TRIP11: variants seen among roughly 807,000 people sequenced by gnomAD.
TRIP11 encodes thyroid hormone receptor interactor 11, also known as thyroid receptor-interacting protein 11.
A neutral mutation model predicts 223.1 loss-of-function variants in TRIP11; 148 were observed. The observed-to-expected ratio is 0.66, with a 90% CI of 0.58 to 0.76. The LOEUF is 0.76. TRIP11 is among the 30% of genes least tolerant of loss of function. The probability of loss-of-function intolerance (pLI) is 0.00; values close to 1 mark genes in which losing one functional copy is unlikely to be tolerated. For synonymous variants in TRIP11, 762 were observed against 772.6 expected, an observed-to-expected ratio of 0.99 and a Z score of 0.23; for missense variants, 2,043 against 2,222.0, an observed-to-expected ratio of 0.92 and a Z score of 1.62.
intron 17 of TRIP11, among the ~76,000 whole-genome samples, 164 bp from the exon 18 acceptor site, chr14:91,975,450 T>G (rs569700202): frequency 2.6e-5 from 4 of 152,272 alleles, no homozygotes; most frequent in African/African-American, 9.6e-5. Flanking sequence ...ACAAGTCTAA[T>G]ATTTCAAAAA....
At chr14:92,020,877 C>A (rs1473404321) in intron 4 of TRIP11, among the ~76,000 whole-genome samples, 1 of 150,780 alleles carries the variant, frequency 6.6e-6, no homozygotes, top group Non-Finnish European at 1.5e-5. Flanking sequence ...TGAGACCAGC[C>A]TGGCCAACAT....
chr14:91,972,978 A>G (rs894051139), intron 19 of TRIP11, 117 bp from the exon 20 acceptor site: 6 of 923,958 alleles, frequency 6.5e-6, no homozygotes, highest in Non-Finnish European at 9.4e-6. Context: ...CCACTTGAAT[A>G]ATTTTTTTTT....
In TRIP11 at chr14:92,021,554, A is replaced by G. The variant is rs2057114964; in HGVS notation, c.588+2T>C. ...CAAAAACTCTAAAAAATTTTTATCT[A>G]CCTGAGCAATATGCCTCCAATGGCC... is the stretch of plus-strand genomic sequence containing the variant. On this transcript the variant is annotated splice_donor_variant, in intron 4 of 20. Coordinates refer to ENST00000267622, the MANE Select transcript of TRIP11 (RefSeq NM_004239.4). LOFTEE classifies it high-confidence loss of function. 8.1e-6 allele frequency: 13 copies of G among 1,613,996 alleles called. No individual in the cohort carries two copies. Among genetic ancestry groups the G allele is most frequent in the Admixed American group, 1.7e-5 (1 of 59,990 alleles).
Position 91,968,721 on chromosome 14 carries a change from T to G in TRIP11, c.*952A>C, listed in dbSNP as rs1133441. ...TGATACATCCAAAGCCTTGGATGGATCTCAAGGGAATTATGCTGAGTGAAA... is the reference window on the plus strand; with the variant it reads ...TGATACATCCAAAGCCTTGGATGGAGCTCAAGGGAATTATGCTGAGTGAAA... On this transcript the variant is annotated 3_prime_UTR_variant, in exon 21 of 21. Coordinates refer to ENST00000267622, the MANE Select transcript of TRIP11 (RefSeq NM_004239.4). 4.4e-6 allele frequency: 1 copy of G among 227,534 alleles called. No individual in the cohort carries two copies. Among genetic ancestry groups the G allele is most frequent in the African/African-American group, 2.2e-5 (1 of 44,888 alleles). The allele number at this position is 227,534 out of a possible 1,614,324, so 14.1% of individuals were successfully genotyped here.
At chr14:92,013,627 T>C (rs2057000507) in intron 7 of TRIP11, among the ~76,000 whole-genome samples, 1 of 152,118 alleles carries the variant, frequency 6.6e-6, no homozygotes, top group Non-Finnish European at 1.5e-5. Context: ...TGGGTTTGTC[T>C]TTTAAGCACA....
intron 2 of TRIP11, among the ~76,000 whole-genome samples, chr14:92,029,567 ATGAGCCTGTAATCATGGATTACAGGCG>A (rs2057237057): frequency 6.6e-6 from 1 of 152,066 alleles, no homozygotes; most frequent in African/African-American, 2.4e-5. Flanking sequence ...GTTTACAGGC[ATGAGCCTGTAATCATGGATTACAGGCG>A]TGAGCCACCA....
Position 92,021,684 on chromosome 14 carries a change from G to C in TRIP11, c.460C>G (p.Pro154Ala). 6.2e-7 allele frequency: 1 copy of C among 1,614,216 alleles called. No homozygotes were observed. Among genetic ancestry groups the C allele is most frequent in the Non-Finnish European group, 8.5e-7 (1 of 1,180,044 alleles). ...ATGTCATCGTCATGGAAAGCTGAAG[G>C]ATGATGACTAATCCCATAAGCGAAT... ...SSFAYGISHH[P>A]SAFHDDDMDF... Residue 154 changes from proline (P) to alanine (A), a missense_variant, in exon 4 of 21, where the codon CCT (proline) becomes GCT (alanine). Physicochemically the swap from Pro to Ala is conservative, Grantham distance 27. Transcript: ENST00000267622.
chr14:92,002,975 A>G (rs1192589338), intron 11 of TRIP11, among the ~76,000 whole-genome samples: 1 of 151,870 alleles, frequency 6.6e-6, no homozygotes, highest in African/African-American at 2.4e-5. Context: ...ACACACATAC[A>G]TACTCTTACT....
intron 1 of TRIP11, among the ~76,000 whole-genome samples, chr14:92,035,028 G>A (rs7144182): frequency 2.1e-4 from 32 of 151,952 alleles, no homozygotes; most frequent in South Asian, 8.3e-4. Context: ...CATCTGGCTG[G>A]TCTCGGTGGC....
intron 3 of TRIP11, 51 bp from the exon 4 acceptor site, chr14:92,021,882 T>G (rs756231172): frequency 6.3e-7 from 1 of 1,587,234 alleles, no homozygotes; most frequent in South Asian, 1.1e-5. Flanking sequence ...AACAATCATA[T>G]TGACTTTTTA....
In TRIP11 at chr14:92,003,787, G is replaced by A. The variant is rs574864860; in HGVS notation, c.4189C>T (p.Gln1397Ter). ...EHEQTDSEIK[Q>*]LKEKQDVLQK... ...AAAACATCTTGTTTCTCCTTTAGCT[G>A]CTTGATTTCTGAATCGGTTTGTTCG... The change falls in exon 11 of 21, where the codon CAG becomes TAG. Residue 1397 changes from glutamine to a stop codon, truncating the protein, a stop_gained. Transcript: ENST00000267622. LOFTEE classifies it high-confidence loss of function. 1 of 1,614,128 alleles carries A rather than the reference G, an allele frequency of 6.2e-7. No homozygotes were observed. The highest frequency in any genetic ancestry group is 2.2e-5 in the East Asian group (1 of 44,874).
rs2056986790 is a variant in TRIP11, at chr14:92,012,678, G to T, written c.1187-883C>A. Among the ~76,000 whole-genome samples, 4 of 152,152 alleles carry T rather than the reference G, an allele frequency of 2.6e-5. No individual in the cohort carries two copies. In the South Asian group the frequency reaches 8.3e-4, roughly 32 times the overall value. On this transcript the variant is annotated intron_variant, in intron 7 of 20. Coordinates refer to ENST00000267622, the MANE Select transcript of TRIP11 (RefSeq NM_004239.4). ...CACAGAGAAAGCAGAAAATGCAAGGGTAACAGAGTGAAGAGGTAACATTGC... is the reference window on the plus strand; with the variant it reads ...CACAGAGAAAGCAGAAAATGCAAGGTTAACAGAGTGAAGAGGTAACATTGC...
In TRIP11 at chr14:91,975,160, T is replaced by C; in HGVS notation, c.5457+12A>G. 1 of 1,607,844 alleles carries C rather than the reference T, an allele frequency of 6.2e-7. No homozygotes were observed. On this transcript the variant is annotated intron_variant, in intron 18 of 20. Transcript: ENST00000267622. ...TATGAATGTGTTCAGATGGCTTTCA[T>C]CGTCCAGTCACCTGCTCCATCTCCT...
intron 16 of TRIP11, among the ~76,000 whole-genome samples, chr14:91,976,524 A>ACATTTC (rs2056466947): frequency 6.6e-6 from 1 of 152,218 alleles, no homozygotes; most frequent in African/African-American, 2.4e-5. Flanking sequence ...CTTGCATGAA[A>ACATTTC]CATTTCCAGA....
chr14:91,968,765 G>A lies in TRIP11; in HGVS notation c.*908C>T, dbSNP rs538991353. 8.3e-5 allele frequency: 19 copies of A among 229,594 alleles called. No homozygotes were observed. Among genetic ancestry groups the A allele is most frequent in the African/African-American group, 4.2e-4 (19 of 45,140 alleles). The allele number at this position is 229,594 out of a possible 1,614,324, so 14.2% of individuals were successfully genotyped here. A position where few individuals can be genotyped will look rare whatever the true frequency, so the allele number is the denominator to read the frequency against. On this transcript the variant is annotated 3_prime_UTR_variant, in exon 21 of 21. Coordinates refer to ENST00000267622, the MANE Select transcript of TRIP11 (RefSeq NM_004239.4). ...AGTGAAAAAAAGCCAGTCTCAAGAG[G>A]GTATATATTGATTCCATTTATATAA...
chr14:91,968,333 ATT>A lies in TRIP11; in HGVS notation c.*1338_*1339del. 1 of 198,456 alleles carries A rather than the reference ATT, an allele frequency of 5.0e-6. No homozygotes were observed. The highest frequency in any genetic ancestry group is 1.0e-5 in the Non-Finnish European group (1 of 97,024). The allele number at this position is 198,456 out of a possible 1,614,324, so 12.3% of individuals were successfully genotyped here. A position where few individuals can be genotyped will look rare whatever the true frequency, so the allele number is the denominator to read the frequency against. On this transcript the variant is annotated 3_prime_UTR_variant, in exon 21 of 21. Transcript: ENST00000267622. ...AGATACAGTTAAGTTTCAAGTCGGGATTTTTTTTTTATGATGGGTTTATGAAA... is the reference window on the plus strand; with the variant it reads ...AGATACAGTTAAGTTTCAAGTCGGGATTTTTTTTATGATGGGTTTATGAAA...
At chr14:91,997,308 T>A (rs1173601570) in intron 13 of TRIP11, among the ~76,000 whole-genome samples, 1 of 152,146 alleles carries the variant, frequency 6.6e-6, no homozygotes, top group Non-Finnish European at 1.5e-5. Flanking sequence ...GCTATTAAAC[T>A]CTGTGTAATA....
In TRIP11 at chr14:92,039,698, AG is replaced by A; in HGVS notation, c.-14del. 1 of 1,610,300 alleles carries A rather than the reference AG, an allele frequency of 6.2e-7. No individual in the cohort carries two copies. Among genetic ancestry groups the A allele is most frequent in the Non-Finnish European group, 8.5e-7 (1 of 1,178,358 alleles). On this transcript the variant is annotated 5_prime_UTR_variant, in exon 1 of 21. Coordinates refer to ENST00000267622, the MANE Select transcript of TRIP11 (RefSeq NM_004239.4). ...GCCAGGACGACATCGCGGCGAGTTT[AG>A]AGAACGACCCGGTCCGCTCGGAAAA...
intron 9 of TRIP11, 90 bp downstream of exon 9, chr14:92,010,896 C>T (rs369210581): frequency 3.3e-6 from 4 of 1,215,032 alleles, no homozygotes; most frequent in South Asian, 1.2e-5. Flanking sequence ...AGCTCAATTA[C>T]TCAACATTCC....
Sources: gnomAD v4.1 joint callset for allele counts (sites outside exome capture counted in the v4.1 genomes callset) on GRCh38, gnomAD v4.1.1 for gene constraint, MANE v1.5 for transcripts, NCBI Gene and HGNC (gene_info 2026-07-23, HGNC 2026-07-21) for gene names.